RASGRF2: variants seen among roughly 807,000 people sequenced by gnomAD.
The protein encoded by RASGRF2 is Ras protein specific guanine nucleotide releasing factor 2.
A neutral mutation model predicts 151.0 loss-of-function variants in RASGRF2; 76 were observed. The ratio of observed to expected loss-of-function variants is 0.50; its 90% CI spans 0.42 to 0.61. RASGRF2 has a LOEUF of 0.61. Among genes scored for constraint, RASGRF2 ranks in the 20% least tolerant of loss-of-function variants. RASGRF2 has a pLI of 0.00. For synonymous variants in RASGRF2, 504 were observed against 566.5 expected (o/e 0.89, Z 1.57); for missense variants, 1,148 against 1,564.6 (o/e 0.73, Z 4.49).
chr5:81,201,893 T>C (rs907046810), intron 19 of RASGRF2, among the ~76,000 whole-genome samples: 1 of 152,206 alleles, frequency 6.6e-6, no homozygotes, highest in African/African-American at 2.4e-5. Context: ...GGAATTTTCT[T>C]TGGCTCATTT....
At chr5:81,192,186 C>T (rs1187365392) in intron 18 of RASGRF2, among the ~76,000 whole-genome samples, 1 of 152,168 alleles carries the variant, frequency 6.6e-6, no homozygotes, top group Non-Finnish European at 1.5e-5. Flanking sequence ...GTTTAATTGT[C>T]TGTGGGTTTT....
intron 22 of RASGRF2, among the ~76,000 whole-genome samples, chr5:81,211,651 G>T (rs1206983483): frequency 1.3e-5 from 2 of 152,152 alleles, no homozygotes; most frequent in African/African-American, 4.8e-5. Flanking sequence ...ATCAGACTTG[G>T]TGTATGGATA....
Position 81,107,990 on chromosome 5 carries a change from A to C in RASGRF2, c.1756-1006A>C, listed in dbSNP as rs140584100. On this transcript the variant is annotated intron_variant, in intron 12 of 26. Coordinates refer to ENST00000265080, the MANE Select transcript of RASGRF2 (RefSeq NM_006909.3). ...AATGGCTGAAATACTAAGTAGACTG[A>C]ATAGTCAGAATTCCAGTGATCTAAA... 2.6e-3 allele frequency among the ~76,000 whole-genome samples: 395 copies of C among 152,362 alleles called. 1 individual carries two copies. The highest frequency in any genetic ancestry group is 9.1e-3 in the African/African-American group (378 of 41,586).
At chr5:81,023,655 A>C (rs915671236) in intron 1 of RASGRF2, among the ~76,000 whole-genome samples, 6 of 152,244 alleles carry the variant, frequency 3.9e-5, no homozygotes, top group South Asian at 2.1e-4. Context: ...TATGCCTCAG[A>C]CACGCTTTAA....
chr5:81,180,363 C>T (rs1007053752), intron 18 of RASGRF2, 82 bp downstream of exon 18: 2 of 845,778 alleles, frequency 2.4e-6, no homozygotes, highest in Middle Eastern at 2.2e-4. Context: ...TAAAACACCT[C>T]CCTACTCTTT....
chr5:81,220,132 A>C (rs6867370), intron 26 of RASGRF2, among the ~76,000 whole-genome samples: 2,761 of 152,194 alleles, frequency 0.018, 69 homozygotes, highest in African/African-American at 0.063. Flanking sequence ...CTGAAATGCA[A>C]AGTGGATTAT....
In RASGRF2 at chr5:81,017,494, T is replaced by A. The variant is rs541462390; in HGVS notation, c.289-25383T>A. On this transcript the variant is annotated intron_variant, in intron 1 of 26. Transcript: ENST00000265080. ...CCATGGCAAGGCCTCTGAATTGAGG[T>A]TTAAAGGGAATTGAACCAATAGGGT... Among the ~76,000 whole-genome samples the A allele has an allele frequency of 7.2e-5, 11 of 152,194 alleles. No individual in the cohort carries two copies. The South Asian group carries it at 2.3e-3, about 32-fold the overall frequency.
At chr5:81,173,006 C>T (rs574252480) in intron 17 of RASGRF2, among the ~76,000 whole-genome samples, 2 of 152,274 alleles carry the variant, frequency 1.3e-5, no homozygotes, top group South Asian at 4.1e-4. Flanking sequence ...TGGCAATTTC[C>T]TTTCTACTCC....
chr5:81,220,192 T>TA (rs961954068), intron 26 of RASGRF2, among the ~76,000 whole-genome samples: 4 of 152,026 alleles, frequency 2.6e-5, no homozygotes, highest in African/African-American at 4.8e-5. Flanking sequence ...GTCTTAGGAT[T>TA]AAAAAAAATT....
In RASGRF2 at chr5:80,964,048, G is replaced by GA. The variant is rs1561528575; in HGVS notation, c.288+3028dup. Among the ~76,000 whole-genome samples, 4 of 148,388 alleles carry GA rather than the reference G, an allele frequency of 2.7e-5. No individual in the cohort carries two copies. The Admixed American group carries it at 2.7e-4, about 10-fold the overall frequency. ...GACTTAAATTGTTTCCAGTTAAGCA[G>GA]AAAAAAGAAAGTCACTTTCCAAATA... is the stretch of plus-strand genomic sequence containing the variant. On this transcript the variant is annotated intron_variant, in intron 1 of 26. Transcript: ENST00000265080.
At chr5:81,050,761 G>T (rs578112516) in intron 2 of RASGRF2, among the ~76,000 whole-genome samples, 1 of 152,040 alleles carries the variant, frequency 6.6e-6, no homozygotes, top group Non-Finnish European at 1.5e-5. Context: ...TTCTTATTTC[G>T]CTCGAAGCAC....
At chr5:81,148,140 A>G (rs1388465016) in intron 17 of RASGRF2, among the ~76,000 whole-genome samples, 1 of 152,224 alleles carries the variant, frequency 6.6e-6, no homozygotes, top group African/African-American at 2.4e-5. Flanking sequence ...GAAGGCAGAT[A>G]TCATCTTCCT....
intron 2 of RASGRF2, among the ~76,000 whole-genome samples, chr5:81,056,825 C>A (rs994475572): frequency 6.6e-6 from 1 of 151,950 alleles, no homozygotes; most frequent in Non-Finnish European, 1.5e-5. Context: ...TATTGGGTGC[C>A]TATATATTTA....
chr5:80,987,745 G>A (rs1437704373), intron 1 of RASGRF2, among the ~76,000 whole-genome samples: 4 of 152,176 alleles, frequency 2.6e-5, no homozygotes, highest in Non-Finnish European at 5.9e-5. Flanking sequence ...GCTCATCACA[G>A]TTTCATATAA....
intron 5 of RASGRF2, among the ~76,000 whole-genome samples, chr5:81,075,088 C>T (rs1361606451): frequency 2.0e-5 from 3 of 152,134 alleles, no homozygotes; most frequent in African/African-American, 7.2e-5. Flanking sequence ...AATTAGGTGG[C>T]TATTCAATAA....
intron 1 of RASGRF2, among the ~76,000 whole-genome samples, chr5:81,028,498 A>G (rs894095955): frequency 2.0e-5 from 3 of 152,042 alleles, no homozygotes; most frequent in African/African-American, 7.2e-5. Flanking sequence ...GCCCCTCAAG[A>G]TGAGATATAA....
Position 81,073,191 on chromosome 5 carries a change from T to A in RASGRF2, c.634-8T>A, listed in dbSNP as rs372390260. The A allele has an allele frequency of 6.2e-7, 1 of 1,607,422 alleles. No homozygotes were observed. The highest frequency in any genetic ancestry group is 1.3e-5 in the African/African-American group (1 of 74,798). On this transcript the variant is annotated splice_polypyrimidine_tract_variant and splice_region_variant and intron_variant, in intron 4 of 26. Coordinates refer to ENST00000265080, the MANE Select transcript of RASGRF2 (RefSeq NM_006909.3). Reference sequence around the variant, plus strand: ...AGTCAGATTCCTTTCTGATTTTTTGTTCTGTAGGTTCAGAGCTTCATGCGA... The same window carrying A: ...AGTCAGATTCCTTTCTGATTTTTTGATCTGTAGGTTCAGAGCTTCATGCGA...
chr5:81,097,804 A>G lies in RASGRF2; in HGVS notation c.1755+2812A>G, dbSNP rs1326932540. Among the ~76,000 whole-genome samples, 4 of 152,220 alleles carry G rather than the reference A, an allele frequency of 2.6e-5. No individual in the cohort carries two copies. In the East Asian group the frequency reaches 5.8e-4, roughly 22 times the overall value. On this transcript the variant is annotated intron_variant, in intron 12 of 26. Transcript: ENST00000265080. ...GGAGAATAGAAAAAAAAAGAAAGTC[A>G]ATGAGGTAACAGGGGCCAGATCAAG...
chr5:81,124,058 A>G (rs1210575844), intron 16 of RASGRF2, among the ~76,000 whole-genome samples: 1 of 152,218 alleles, frequency 6.6e-6, no homozygotes, highest in Non-Finnish European at 1.5e-5. Flanking sequence ...TAAACATTAT[A>G]GTATGACAGC....
Sources: allele counts gnomAD v4.1 joint callset (sites outside exome capture counted in the v4.1 genomes callset), GRCh38; gene constraint gnomAD v4.1.1; transcripts MANE v1.5; gene names NCBI Gene and HGNC (gene_info 2026-07-23, HGNC 2026-07-21).